AK5: variants seen among roughly 807,000 people sequenced by gnomAD.
AK5 encodes the protein adenylate kinase isoenzyme 5.
A neutral mutation model predicts 69.5 loss-of-function variants in AK5; 27 were observed. The observed-to-expected ratio is 0.39, with a 90% CI of 0.29 to 0.54. AK5 has a LOEUF of 0.54. Among genes scored for constraint, AK5 ranks in the 20% least tolerant of loss-of-function variants. The probability of loss-of-function intolerance (pLI) is 0.71; values close to 1 mark genes in which losing one functional copy is unlikely to be tolerated. For synonymous variants in AK5, 260 were observed against 244.4 expected (o/e 1.06, Z -0.60); for missense variants, 531 against 700.4 (o/e 0.76, Z 2.73).
At chr1:77,471,185 A>G (rs1310233387) in intron 8 of AK5, among the ~76,000 whole-genome samples, 2 of 151,682 alleles carry the variant, frequency 1.3e-5, no homozygotes, top group Non-Finnish European at 2.9e-5. Context: ...TTTGGCCTAG[A>G]AGACATATTT....
chr1:77,531,889 G>A (rs974820083), intron 12 of AK5, among the ~76,000 whole-genome samples: 2 of 151,978 alleles, frequency 1.3e-5, no homozygotes, highest in African/African-American at 4.8e-5. Flanking sequence ...GGGGCTGCAG[G>A]TCCCGAGCCC....
chr1:77,490,605 G>C (rs189257598), intron 10 of AK5, among the ~76,000 whole-genome samples: 1 of 152,162 alleles, frequency 6.6e-6, no homozygotes, highest in African/African-American at 2.4e-5. Context: ...GACTTCAGTT[G>C]TTCACATACA....
Position 77,419,744 on chromosome 1 carries a change from CAGAA to C in AK5, c.1059+2033_1059+2036del, listed in dbSNP as rs1650684222. Among the ~76,000 whole-genome samples, 3 of 152,164 alleles carry C rather than the reference CAGAA, an allele frequency of 2.0e-5. No homozygotes were observed. The South Asian group carries it at 6.2e-4, about 32-fold the overall frequency. On this transcript the variant is annotated intron_variant, in intron 8 of 13. Transcript: ENST00000354567. The stretch of plus-strand genomic sequence containing the variant: ...GTTCAACATATTCTAAAAGGAATTC[CAGAA>C]AGAGAGAATGGAGGTGATGGAGCCG...
intron 8 of AK5, among the ~76,000 whole-genome samples, chr1:77,482,344 A>G (rs999784129): frequency 1.3e-4 from 20 of 152,230 alleles, no homozygotes; most frequent in Non-Finnish European, 1.5e-4. Flanking sequence ...GGGCTACTCC[A>G]TAAGGAATAG....
chr1:77,375,697 G>A (rs1647213173), intron 6 of AK5, among the ~76,000 whole-genome samples: 2 of 152,132 alleles, frequency 1.3e-5, no homozygotes, highest in South Asian at 4.1e-4. Flanking sequence ...GCTGCACTTG[G>A]CCCTTTCCTC....
intron 3 of AK5, among the ~76,000 whole-genome samples, chr1:77,297,129 T>C (rs1169356240): frequency 6.6e-6 from 1 of 152,222 alleles, no homozygotes; most frequent in African/African-American, 2.4e-5. Flanking sequence ...AAAATAATGG[T>C]TACGTTTCAC....
At chr1:77,395,679 T>C (rs558669118) in intron 6 of AK5, among the ~76,000 whole-genome samples, 1 of 152,292 alleles carries the variant, frequency 6.6e-6, no homozygotes, top group East Asian at 1.9e-4. Flanking sequence ...GGCTCAAGCA[T>C]ATTTGAAAAA....
intron 6 of AK5, among the ~76,000 whole-genome samples, chr1:77,407,170 T>G (rs1478935034): frequency 6.6e-6 from 1 of 152,146 alleles, no homozygotes; most frequent in Non-Finnish European, 1.5e-5. Context: ...AACTGTAATT[T>G]TATTTCAGAT....
chr1:77,428,046 G>T (rs1412632395), intron 8 of AK5, among the ~76,000 whole-genome samples: 2 of 152,120 alleles, frequency 1.3e-5, no homozygotes, highest in African/African-American at 2.4e-5. Flanking sequence ...CAACAGGGGA[G>T]GTCACATTTC....
intron 10 of AK5, among the ~76,000 whole-genome samples, chr1:77,505,615 C>G (rs1656978615): frequency 6.6e-6 from 1 of 151,948 alleles, no homozygotes; most frequent in Non-Finnish European, 1.5e-5. Context: ...ACCTGTAATC[C>G]CGGCACTTTG....
At chr1:77,468,483 C>T (rs2100690261) in intron 8 of AK5, among the ~76,000 whole-genome samples, 1 of 152,330 alleles carries the variant, frequency 6.6e-6, no homozygotes, top group Non-Finnish European at 1.5e-5. Flanking sequence ...TGGCTTCAGG[C>T]CCCAGGAAAG....
At chr1:77,417,347 AATCAG>A (rs988821787) in intron 7 of AK5, among the ~76,000 whole-genome samples, 1 of 152,110 alleles carries the variant, frequency 6.6e-6, no homozygotes, top group South Asian at 2.1e-4. Context: ...CTCTACTACT[AATCAG>A]AATTAGTAGC....
At chr1:77,502,771 T>C (rs1020248894) in intron 10 of AK5, among the ~76,000 whole-genome samples, 6 of 152,190 alleles carry the variant, frequency 3.9e-5, no homozygotes, top group African/African-American at 1.4e-4. Flanking sequence ...TACAGTTTAC[T>C]CTCAAAGTGA....
At chr1:77,293,626 A>C in intron 2 of AK5, 167 bp from the exon 3 acceptor site, 4 of 565,242 alleles carry the variant, frequency 7.1e-6, no homozygotes, top group South Asian at 2.9e-5. Context: ...AATATTGACT[A>C]TCTGACCCTT....
chr1:77,466,288 A>T (rs1427370148), intron 8 of AK5, among the ~76,000 whole-genome samples: 1 of 151,510 alleles, frequency 6.6e-6, no homozygotes, highest in Non-Finnish European at 1.5e-5. Context: ...CTCAGAGTCC[A>T]CTCCTCAGCC....
chr1:77,509,869 T>C lies in AK5; in HGVS notation c.1148-8695T>C, dbSNP rs1427400386. Among the ~76,000 whole-genome samples, 5 of 152,316 alleles carry C rather than the reference T, an allele frequency of 3.3e-5. No individual in the cohort carries two copies. In the East Asian group the frequency reaches 7.7e-4, roughly 24 times the overall value. ...CATCACCAACAGTAGCTGCCTCATT[T>C]TGCAGATAATAATTATGATGTTTAT... On this transcript the variant is annotated intron_variant, in intron 10 of 13. Transcript: ENST00000354567.
intron 7 of AK5, among the ~76,000 whole-genome samples, 162 bp downstream of exon 7, chr1:77,411,233 G>A (rs2100570207): frequency 6.6e-6 from 1 of 152,290 alleles, no homozygotes; most frequent in South Asian, 2.1e-4. Flanking sequence ...ACAAAGTAGA[G>A]AGGAAAGGCT....
intron 13 of AK5, among the ~76,000 whole-genome samples, chr1:77,541,150 G>T (rs1659247653): frequency 6.6e-6 from 1 of 152,126 alleles, no homozygotes. Flanking sequence ...CTTGTGATCT[G>T]CCTGCCTTGG....
chr1:77,415,320 T>C (rs1183337701), intron 7 of AK5, among the ~76,000 whole-genome samples: 2 of 152,162 alleles, frequency 1.3e-5, no homozygotes, highest in Non-Finnish European at 2.9e-5. Flanking sequence ...AAGAACACTT[T>C]GTAATTAAAT....
Sources: gnomAD v4.1 joint callset for allele counts (sites outside exome capture counted in the v4.1 genomes callset) on GRCh38, gnomAD v4.1.1 for gene constraint, MANE v1.5 for transcripts, NCBI Gene and HGNC (gene_info 2026-07-23, HGNC 2026-07-21) for gene names.